PLIN4: variants seen among roughly 807,000 people sequenced by gnomAD.
PLIN4 encodes the protein perilipin 4.
Under a neutral mutation model 52.4 loss-of-function variants are expected in PLIN4, and 57 were observed. The ratio of observed to expected loss-of-function variants is 1.09; its 90% CI spans 0.88 to 1.36. PLIN4 has a LOEUF of 1.36. PLIN4 is among the 40% of genes most tolerant of loss of function. The pLI is 0.00. For synonymous variants in PLIN4, 826 were observed against 785.4 expected, an observed-to-expected ratio of 1.05 and a Z score of -0.86; for missense variants, 1,757 against 1,770.3, an observed-to-expected ratio of 0.99 and a Z score of 0.13.
At chr19:4,504,808 G>A in intron 7 of PLIN4, 23 bp from the exon 8 acceptor site, 2 of 1,604,030 alleles carry the variant, frequency 1.2e-6, no homozygotes, top group East Asian at 2.2e-5. Flanking sequence ...GGCGCAAGGT[G>A]AGTGGAGACC....
chr19:4,515,021 C>T (rs1220740141), intron 4 of PLIN4, among the ~76,000 whole-genome samples: 2 of 150,602 alleles, frequency 1.3e-5, no homozygotes, highest in Middle Eastern at 3.3e-3. Flanking sequence ...ACTAAAAATA[C>T]AAAAATTAGC....
Position 4,504,676 on chromosome 19 carries a change from TGCTGGAGCTCGGCGG to T in PLIN4, c.3884_3898del (p.Pro1295_Gln1299del), listed in dbSNP as rs1568224764. On this transcript the variant is annotated inframe_deletion, in exon 8 of 8. Transcript: ENST00000301286. ...GCTGTGCCGCGCCCGCCCCACTGGC[TGCTGGAGCTCGGCGG>T]GCAGGCCCTGGAGGCTGGAGACCAG... 3.1e-6 allele frequency: 5 copies of T among 1,602,988 alleles called. No individual in the cohort carries two copies. The highest frequency in any genetic ancestry group is 4.2e-6 in the Non-Finnish European group (5 of 1,178,290).
intron 2 of PLIN4, 90 bp from the exon 3 acceptor site, chr19:4,517,788 G>T: frequency 6.9e-7 from 1 of 1,450,086 alleles, no homozygotes; most frequent in Non-Finnish European, 9.2e-7. Flanking sequence ...GCCCAATGCC[G>T]CCCCGGCCCC....
chr19:4,517,602 C>T lies in PLIN4; in HGVS notation c.148G>A (p.Asp50Asn), dbSNP rs1194497257. The change falls in exon 3 of 8, where the codon GAC becomes AAC. Residue 50 changes from aspartate (D) to asparagine (N), a missense_variant. Physicochemically the swap from Asp to Asn is conservative, Grantham distance 23. This residue lies in a region of PLIN4 where 332 missense variants were observed against 310.8 expected (regional missense o/e 1.07). Coordinates refer to ENST00000301286, the MANE Select transcript of PLIN4 (RefSeq NM_001367868.2). ...TCGGCAGCAGGCGCTCCTGTGGGGT[C>T]AGCGGCCGGCCGGGCTCTCGCCGAG... is the stretch of plus-strand genomic sequence containing the variant. Reference protein sequence around the residue: ...HSSARARPAADPTGAPAAEAA... With the variant: ...HSSARARPAANPTGAPAAEAA... The T allele has an allele frequency of 6.2e-7, 1 of 1,610,968 alleles. No individual in the cohort carries two copies. Among genetic ancestry groups the T allele is most frequent in the Non-Finnish European group, 8.5e-7 (1 of 1,179,290 alleles).
At chr19:4,516,084 GGTGAA>G (rs72228121) in intron 4 of PLIN4, among the ~76,000 whole-genome samples, 9,941 of 152,070 alleles carry the variant, frequency 0.065, 1,090 homozygotes, top group African/African-American at 0.23. Context: ...AGACCAGCCT[GGTGAA>G]ACCAACATGG....
At position 4,511,932 on chromosome 19, in the gene PLIN4, A is replaced by G. The variant is rs143131726; in HGVS notation, c.2028T>C (p.Asn676=). 1.2e-3 allele frequency: 1,873 copies of G among 1,594,670 alleles called. 68 individuals carry two copies. In the African/African-American group the frequency reaches 0.023, roughly 19 times the overall value. ...CTGTCTGGGCAGCCCCTTTGGCCACATTCACAGCACTGGTCACCCCACTGC... is the reference window on the plus strand; with the variant it reads ...CTGTCTGGGCAGCCCCTTTGGCCACGTTCACAGCACTGGTCACCCCACTGC... ...TFGSGVTSAV[N]VAKGAAQTGV... is the part of the protein sequence containing the mutation. The change falls in exon 5 of 8, where the codon AAT becomes AAC. Residue 676 remains asparagine, a synonymous_variant. Transcript: ENST00000301286.
chr19:4,517,918 C>G (rs1182121111), intron 2 of PLIN4, among the ~76,000 whole-genome samples: 4 of 152,242 alleles, frequency 2.6e-5, no homozygotes, highest in Non-Finnish European at 1.5e-5. Flanking sequence ...TACCCGATCT[C>G]CAAAGACCTT....
Position 4,511,393 on chromosome 19 carries a change from T to C in PLIN4, c.2567A>G (p.Asn856Ser). The C allele has an allele frequency of 6.4e-7, 1 of 1,550,836 alleles. No individual in the cohort carries two copies. The highest frequency in any genetic ancestry group is 8.7e-7 in the Non-Finnish European group (1 of 1,154,674). Residue 856 changes from asparagine (N) to serine (S), a missense_variant, in exon 5 of 8, where the codon AAT (asparagine) becomes AGT (serine). Physicochemically the swap from Asn to Ser is conservative, Grantham distance 46. Transcript: ENST00000301286. ...AVQTGLKTTQ[N>S]IATGTKNTLG... ...GGTGTTCTTTGTACCTGTTGCGATA[T>C]TTTGGGTCGTTTTCAGCCCAGTTTG...
intron 6 of PLIN4, 85 bp downstream of exon 6, chr19:4,508,679 CTCAG>C (rs1277968933): frequency 3.0e-6 from 4 of 1,351,966 alleles, no homozygotes; most frequent in Non-Finnish European, 4.0e-6. Context: ...CTCCTAGGTG[CTCAG>C]TCAGTATCTG....
At chr19:4,509,310 C>CAAAAAGAAAAAAAAAAAAAAAAA (rs1976207411) in intron 5 of PLIN4, among the ~76,000 whole-genome samples, 1 of 15,784 alleles carries the variant, frequency 6.3e-5, no homozygotes, top group Non-Finnish European at 1.3e-4. Flanking sequence ...GACTCCGTCT[C>CAAAAAGAAAAAAAAAAAAAAAAA]AAAAAAAAAA....
chr19:4,516,968 G>A, intron 3 of PLIN4, among the ~76,000 whole-genome samples: 1 of 152,208 alleles, frequency 6.6e-6, no homozygotes, highest in African/African-American at 2.4e-5. Context: ...ATATAGCCTG[G>A]CATGGGGGAA....
At chr19:4,505,002 A>AACCCCC in intron 6 of PLIN4, 55 bp from the exon 7 acceptor site, 1 of 1,482,080 alleles carries the variant, frequency 6.7e-7, no homozygotes, top group Non-Finnish European at 9.2e-7. Flanking sequence ...GACCTTTCAC[A>AACCCCC]ACCCCCACCT....
At chr19:4,518,139 C>T (rs1976639928) in intron 2 of PLIN4, 83 bp downstream of exon 2, 2 of 1,142,438 alleles carry the variant, frequency 1.8e-6, no homozygotes, top group Non-Finnish European at 2.2e-6. Flanking sequence ...AGATTCGAGA[C>T]CCCAGGACTG....
At chr19:4,506,009 T>A (rs1976082344) in intron 6 of PLIN4, among the ~76,000 whole-genome samples, 1 of 152,012 alleles carries the variant, frequency 6.6e-6, no homozygotes, top group African/African-American at 2.4e-5. Context: ...CCCAGCTACT[T>A]CTCACCACCA....
At position 4,510,814 on chromosome 19, in the gene PLIN4, A is replaced by G; in HGVS notation, c.3146T>C (p.Leu1049Pro). 6.2e-7 allele frequency: 1 copy of G among 1,609,484 alleles called. No individual in the cohort carries two copies. The highest frequency in any genetic ancestry group is 8.5e-7 in the Non-Finnish European group (1 of 1,176,772). The change falls in exon 5 of 8, where the codon CTC becomes CCC. Residue 1049 changes from leucine (L) to proline (P), a missense_variant. Transcript: ENST00000301286. ...AGGTAACCAGTTCTGGAAGGTGCTG[A>G]GGCCAGTGTGGGTGGCCCCTGTCGC... ...NVATGATHTG[L>P]STFQNWLPST... is the part of the protein sequence containing the mutation.
rs1976316157 is a variant in PLIN4 at position 4,511,304 on chromosome 19, T to C, written c.2656A>G (p.Thr886Ala). 1 of 1,610,386 alleles carries C rather than the reference T, an allele frequency of 6.2e-7. No individual in the cohort carries two copies. The highest frequency in any genetic ancestry group is 2.2e-5 in the East Asian group (1 of 44,654). The stretch of plus-strand genomic sequence containing the variant: ...GTGCCAGTCAGGACAGACTTTGTAG[T>C]GTCCAGGCCCCCCTGGACGGCCCCT... ...AKGAVQGGLD[T>A]TKSVLTGTKD... The change falls in exon 5 of 8, where the codon ACT becomes GCT. Residue 886 changes from threonine (T) to alanine (A), a missense_variant. Thr to Ala is a moderately conservative substitution (Grantham distance 58). This residue lies in a region of PLIN4 where 76 missense variants were observed against 109.1 expected (regional missense o/e 0.70). Coordinates refer to ENST00000301286, the MANE Select transcript of PLIN4 (RefSeq NM_001367868.2).
Position 4,513,098 on chromosome 19 carries a change from T to A in PLIN4, c.862A>T (p.Thr288Ser), listed in dbSNP as rs1976474786. The A allele has an allele frequency of 1.5e-6, 1 of 674,798 alleles. No individual in the cohort carries two copies. The highest frequency in any genetic ancestry group is 2.6e-6 in the Non-Finnish European group (1 of 377,708). The allele number at this position is 674,798 out of a possible 1,614,324, so 41.8% of individuals were successfully genotyped here. A position where few individuals can be genotyped will look rare whatever the true frequency, so the allele number is the denominator to read the frequency against. Residue 288 changes from threonine to serine, a missense_variant, in exon 5 of 8, where the codon ACC becomes TCC. This residue lies in a region of PLIN4 where 99 missense variants were observed against 143.4 expected (regional missense o/e 0.69). Coordinates refer to ENST00000301286, the MANE Select transcript of PLIN4 (RefSeq NM_001367868.2). The stretch of plus-strand genomic sequence containing the variant: ...ACAGTCTTACTGGTGTCCACGCCGG[T>A]CTGGATGGTTCCTTTGGCCACATTC... Reference protein sequence around the residue: ...AMNVAKGTIQTGVDTSKTVLT... With the variant: ...AMNVAKGTIQSGVDTSKTVLT...
intron 2 of PLIN4, 96 bp from the exon 3 acceptor site, chr19:4,517,794 G>A: frequency 6.2e-6 from 9 of 1,441,100 alleles, no homozygotes; most frequent in Non-Finnish European, 7.4e-6. Context: ...TGCCGCCCCG[G>A]CCCCTTGCTC....
rs772990531 is a variant in PLIN4 at position 4,513,420 on chromosome 19, C to T, written c.540G>A (p.Val180=). 9.3e-6 allele frequency: 15 copies of T among 1,613,662 alleles called. No homozygotes were observed. The African/African-American group carries it at 1.5e-4, about 16-fold the overall frequency. ...DTVSTGLTGA[V]NVAKGTVQAG... ...CCTGTACGGTCCCTTTGGCCACATT[C>T]ACTGCCCCCGTGAGCCCAGTGGACA... Residue 180 remains valine, a synonymous_variant, in exon 5 of 8, where the codon GTG becomes GTA. Transcript: ENST00000301286.
Sources: allele counts gnomAD v4.1 joint callset (sites outside exome capture counted in the v4.1 genomes callset), GRCh38; gene constraint gnomAD v4.1.1; regional missense constraint gnomAD v4.1.1; transcripts MANE v1.5; gene names NCBI Gene and HGNC (gene_info 2026-07-23, HGNC 2026-07-21).